CCSER1: variants seen among roughly 807,000 people sequenced by gnomAD.
CCSER1 encodes the protein serine-rich coiled-coil domain-containing protein 1.
In CCSER1, 41 loss-of-function variants were observed where a neutral mutation model predicts 82.0. The ratio of observed to expected loss-of-function variants is 0.50; its 90% CI spans 0.39 to 0.65. The LOEUF is 0.65. Among genes scored for constraint, CCSER1 ranks in the 30% least tolerant of loss-of-function variants. The pLI is 0.00. For missense variants in CCSER1, 1,119 were observed against 1,064.2 expected (o/e 1.05, Z -0.72); for synonymous variants, 414 against 383.9 (o/e 1.08, Z -0.92).
At chr4:90,400,530 A>G (rs1339217134) in intron 4 of CCSER1, among the ~76,000 whole-genome samples, 1 of 152,138 alleles carries the variant, frequency 6.6e-6, no homozygotes, top group Non-Finnish European at 1.5e-5. Flanking sequence ...ACTGCTCCAA[A>G]TCTTAGCCAC....
At chr4:90,203,820 C>T (rs77262386) in intron 1 of CCSER1, among the ~76,000 whole-genome samples, 2 of 152,148 alleles carry the variant, frequency 1.3e-5, no homozygotes, top group Non-Finnish European at 2.9e-5. Flanking sequence ...AGTGTAAAAG[C>T]GTTCCTATTG....
intron 10 of CCSER1, among the ~76,000 whole-genome samples, chr4:91,257,500 CACCCAT>C (rs1740787261): frequency 2.7e-5 from 4 of 148,334 alleles, no homozygotes; most frequent in Admixed American, 2.0e-4. Flanking sequence ...CACACACACA[CACCCAT>C]TTCTGTATAT....
intron 9 of CCSER1, among the ~76,000 whole-genome samples, chr4:91,080,959 GC>G (rs1413024574): frequency 1.3e-5 from 2 of 152,092 alleles, no homozygotes; most frequent in African/African-American, 4.8e-5. Context: ...CGGATTCACA[GC>G]CAAATTCTAC....
intron 10 of CCSER1, among the ~76,000 whole-genome samples, chr4:91,594,292 T>G (rs920593544): frequency 4.7e-5 from 7 of 150,278 alleles, no homozygotes; most frequent in African/African-American, 1.7e-4. Context: ...TATATGTGTG[T>G]ATATATGTAT....
At chr4:90,184,401 A>G (rs1024246615) in intron 1 of CCSER1, among the ~76,000 whole-genome samples, 17 of 152,218 alleles carry the variant, frequency 1.1e-4, no homozygotes, top group African/African-American at 3.9e-4. Context: ...TGAAGATCTG[A>G]CTGACTTCTT....
chr4:90,433,118 T>G (rs1425964410), intron 4 of CCSER1, among the ~76,000 whole-genome samples: 1 of 151,930 alleles, frequency 6.6e-6, no homozygotes. Context: ...ATATTAACTA[T>G]CTACTTGAGA....
intron 1 of CCSER1, among the ~76,000 whole-genome samples, chr4:90,254,477 C>T (rs1722923152): frequency 6.6e-6 from 1 of 152,190 alleles, no homozygotes. Flanking sequence ...TATCAGCCAG[C>T]TATGCCTGGG....
intron 2 of CCSER1, among the ~76,000 whole-genome samples, chr4:90,312,192 T>C (rs1387928499): frequency 1.3e-5 from 2 of 152,114 alleles, no homozygotes; most frequent in Admixed American, 6.5e-5. Context: ...TGTGTAGGGC[T>C]GGAGCATGCC....
chr4:91,190,180 A>G (rs1303675863), intron 10 of CCSER1, among the ~76,000 whole-genome samples: 1 of 152,222 alleles, frequency 6.6e-6, no homozygotes, highest in African/African-American at 2.4e-5. Context: ...GATCTCTTAG[A>G]TGACTAGGAT....
intron 10 of CCSER1, among the ~76,000 whole-genome samples, chr4:91,105,107 A>G (rs767602430): frequency 6.6e-6 from 1 of 151,550 alleles, no homozygotes; most frequent in Non-Finnish European, 1.5e-5. Context: ...TTACCTTCAT[A>G]TAGAGTTTAG....
chr4:90,704,112 C>T (rs994291879), intron 6 of CCSER1, among the ~76,000 whole-genome samples: 6 of 152,090 alleles, frequency 3.9e-5, no homozygotes, highest in Admixed American at 1.3e-4. Flanking sequence ...TGGCTGGTAC[C>T]GGTTGTTCCT....
At chr4:90,418,355 G>A (rs1477794587) in intron 4 of CCSER1, among the ~76,000 whole-genome samples, 1 of 151,918 alleles carries the variant, frequency 6.6e-6, no homozygotes, top group Non-Finnish European at 1.5e-5. Flanking sequence ...TCTATTAGTG[G>A]AAAATCTTAA....
chr4:90,959,396 C>T (rs1277954474), intron 9 of CCSER1, among the ~76,000 whole-genome samples: 1 of 152,104 alleles, frequency 6.6e-6, no homozygotes, highest in Non-Finnish European at 1.5e-5. Context: ...TCATCTAATG[C>T]CAAAAATAGC....
chr4:90,861,927 T>TATATA lies in CCSER1; in HGVS notation c.2094+46082_2094+46083insATATA, dbSNP rs796104595. 4.2e-3 allele frequency among the ~76,000 whole-genome samples: 315 copies of TATATA among 74,430 alleles called. 2 individuals are homozygous for TATATA. The highest frequency in any genetic ancestry group is 0.037 in the East Asian group (100 of 2,704). 48.8% of individuals were successfully genotyped at this position (74,430 alleles called of 152,430 possible). A position where few individuals can be genotyped will look rare whatever the true frequency, so the allele number is the denominator to read the frequency against. On this transcript the variant is annotated intron_variant, in intron 8 of 10. Transcript: ENST00000509176. Reference sequence around the variant, plus strand: ...ACTCATATATATATATATATATATATTTTTTTTTTCTGTTAGACTAGTGTT... The same window carrying TATATA: ...ACTCATATATATATATATATATATATATATATTTTTTTTTCTGTTAGACTAGTGTT...
chr4:91,324,537 T>G (rs1746417318), intron 10 of CCSER1, among the ~76,000 whole-genome samples: 1 of 152,180 alleles, frequency 6.6e-6, no homozygotes, highest in African/African-American at 2.4e-5. Context: ...AGAACAATAT[T>G]GTATTATTTA....
intron 10 of CCSER1, among the ~76,000 whole-genome samples, chr4:91,149,896 T>G (rs1729974165): frequency 6.6e-6 from 1 of 152,208 alleles, no homozygotes; most frequent in South Asian, 2.1e-4. Context: ...GTAGTATAGT[T>G]TGAAGTCAGG....
chr4:91,174,927 C>G (rs1261405243), intron 10 of CCSER1, among the ~76,000 whole-genome samples: 1 of 151,786 alleles, frequency 6.6e-6, no homozygotes, highest in African/African-American at 2.4e-5. Context: ...TACACATTAA[C>G]TAGTCATTTA....
intron 9 of CCSER1, among the ~76,000 whole-genome samples, chr4:90,945,822 CAT>C (rs1491147062): frequency 6.6e-6 from 1 of 152,122 alleles, no homozygotes; most frequent in African/African-American, 2.4e-5. Context: ...TAATGGCTAA[CAT>C]TTTTTTTTAA....
chr4:91,372,836 C>G (rs1209764886), intron 10 of CCSER1, among the ~76,000 whole-genome samples: 1 of 152,018 alleles, frequency 6.6e-6, no homozygotes, highest in Non-Finnish European at 1.5e-5. Context: ...CAAACCACCA[C>G]AATCATGACT....
Sources: gnomAD v4.1 joint callset for allele counts (sites outside exome capture counted in the v4.1 genomes callset) on GRCh38, gnomAD v4.1.1 for gene constraint, MANE v1.5 for transcripts, NCBI Gene and HGNC (gene_info 2026-07-23, HGNC 2026-07-21) for gene names.